FAM3B: variants seen among roughly 807,000 people sequenced by gnomAD.
FAM3B encodes protein FAM3B.
A neutral mutation model predicts 28.4 loss-of-function variants in FAM3B; 29 were observed. The observed-to-expected ratio is 1.02, with a 90% confidence interval of 0.76 to 1.39. The LOEUF is 1.39. Ranked by LOEUF, FAM3B falls within the 40% of genes most tolerant of loss-of-function variation. The pLI is 0.00. For synonymous variants in FAM3B, 91 were observed against 103.0 expected, an observed-to-expected ratio of 0.88 and a Z score of 0.71; for missense variants, 266 against 293.9, an observed-to-expected ratio of 0.91 and a Z score of 0.69.
At chr21:41,344,341 C>T in intron 3 of FAM3B, 135 bp from the exon 4 acceptor site, 1 of 749,978 alleles carries the variant, frequency 1.3e-6, no homozygotes, top group Non-Finnish European at 2.3e-6. Context: ...GGGAGCTGCA[C>T]CAAGGCGAAT....
chr21:41,315,904 G>A (rs926610737), upstream of FAM3B, among the ~76,000 whole-genome samples: 4 of 152,136 alleles, frequency 2.6e-5, no homozygotes, highest in East Asian at 1.9e-4. Flanking sequence ...AGCAGAGGCC[G>A]GAGCAGAGTA....
intron 2 of FAM3B, among the ~76,000 whole-genome samples, chr21:41,332,794 C>A (rs953513037): frequency 1.2e-4 from 18 of 152,152 alleles, no homozygotes; most frequent in Admixed American, 1.2e-3. Flanking sequence ...GATATCTGCT[C>A]TTTCATTACT....
At chr21:41,321,853 G>A (rs1050664245) in intron 1 of FAM3B, among the ~76,000 whole-genome samples, 5 of 152,296 alleles carry the variant, frequency 3.3e-5, no homozygotes, top group Middle Eastern at 3.4e-3. Context: ...TGCACCCCGG[G>A]TGGGGCCCAT....
chr21:41,313,650 T>C (rs2088727629), upstream of FAM3B, among the ~76,000 whole-genome samples: 1 of 26,476 alleles, frequency 3.8e-5, no homozygotes, highest in Non-Finnish European at 6.8e-5. Flanking sequence ...TCATACAGTA[T>C]GTATGCATGT....
intron 2 of FAM3B, among the ~76,000 whole-genome samples, chr21:41,333,979 C>T (rs952364221): frequency 3.3e-5 from 5 of 152,122 alleles, no homozygotes; most frequent in Admixed American, 6.5e-5. Context: ...TGCATTGTGC[C>T]CCTGACCTAG....
intron 3 of FAM3B, 45 bp from the exon 4 acceptor site, chr21:41,344,431 G>T (rs1601369051): frequency 6.4e-7 from 1 of 1,572,376 alleles, no homozygotes; most frequent in East Asian, 2.2e-5. Flanking sequence ...AGCGGGGAGA[G>T]TCGCACGCCT....
chr21:41,333,973 T>C (rs1352197494), intron 2 of FAM3B, among the ~76,000 whole-genome samples: 1 of 152,218 alleles, frequency 6.6e-6, no homozygotes, highest in African/African-American at 2.4e-5. Flanking sequence ...CTTGGCTGCA[T>C]TGTGCCCCTG....
At chr21:41,351,267 C>T (rs138809314) in intron 7 of FAM3B, among the ~76,000 whole-genome samples, 17 of 152,190 alleles carry the variant, frequency 1.1e-4, no homozygotes, top group African/African-American at 3.6e-4. Flanking sequence ...AAAGACTGGA[C>T]GTCAAAGCCA....
At chr21:41,346,229 T>C (rs1169669050) in intron 5 of FAM3B, 3 of 155,286 alleles carry the variant, frequency 1.9e-5, no homozygotes, top group African/African-American at 7.3e-5. Context: ...TTGACTGCAG[T>C]TGTTGGCCAG....
chr21:41,317,022 G>A, intron 1 of FAM3B, 124 bp downstream of exon 1: 1 of 879,490 alleles, frequency 1.1e-6, no homozygotes, highest in Non-Finnish European at 1.5e-6. Flanking sequence ...CTGGTTCTTG[G>A]CGCCGAGGCT....
intron 1 of FAM3B, among the ~76,000 whole-genome samples, chr21:41,319,258 T>C (rs994821926): frequency 7.9e-5 from 12 of 152,238 alleles, no homozygotes; most frequent in Admixed American, 6.6e-4. Flanking sequence ...AGAGTGGGGA[T>C]TGGCTGGGAC....
upstream of FAM3B, chr21:41,316,655 G>A (rs10432873): frequency 0.32 from 105,040 of 327,142 alleles, 16,242 homozygotes; most frequent in East Asian, 0.63. Context: ...CAGAGCTCCC[G>A]GGCACAGCCC....
intron 7 of FAM3B, among the ~76,000 whole-genome samples, chr21:41,353,717 C>A (rs975150523): frequency 6.6e-6 from 1 of 152,154 alleles, no homozygotes; most frequent in African/African-American, 2.4e-5. Flanking sequence ...TAGAGGAAAA[C>A]AGAGGCATAA....
At chr21:41,324,451 A>G (rs2088838008) in intron 2 of FAM3B, among the ~76,000 whole-genome samples, 1 of 152,214 alleles carries the variant, frequency 6.6e-6, no homozygotes, top group Non-Finnish European at 1.5e-5. Flanking sequence ...TCACAGGAAC[A>G]GGGAAGAAAC....
At chr21:41,316,778 C>A (rs897261152), upstream of FAM3B, 1 of 1,228,602 alleles carries the variant, frequency 8.1e-7, no homozygotes, top group Non-Finnish European at 1.1e-6. Flanking sequence ...CCCTGCCCGA[C>A]ACGACCGCTG....
chr21:41,340,760 G>T (rs1423575689), intron 3 of FAM3B, among the ~76,000 whole-genome samples: 2 of 152,084 alleles, frequency 1.3e-5, no homozygotes, highest in Non-Finnish European at 2.9e-5. Context: ...TCAACATTAT[G>T]TTTGAATATT....
chr21:41,349,500 A>G (rs1372427187), intron 7 of FAM3B, among the ~76,000 whole-genome samples: 2 of 152,214 alleles, frequency 1.3e-5, no homozygotes, highest in Non-Finnish European at 2.9e-5. Flanking sequence ...CCACTTAGCC[A>G]GAAATTCCCA....
At chr21:41,311,850 A>G (rs548991345), upstream of FAM3B, among the ~76,000 whole-genome samples, 6 of 152,310 alleles carry the variant, frequency 3.9e-5, no homozygotes, top group African/African-American at 1.4e-4. Flanking sequence ...AGACTGGGCA[A>G]TTTACAAAAG....
In FAM3B at chr21:41,346,024, A is replaced by T. The variant is rs1023323730; in HGVS notation, c.397+288A>T. 7.6e-4 allele frequency: 167 copies of T among 220,016 alleles called. 1 individual carries two copies. Among genetic ancestry groups the T allele is most frequent in the South Asian group, 4.1e-3 (75 of 18,376 alleles). 13.6% of individuals were successfully genotyped at this position (220,016 alleles called of 1,614,324 possible). On this transcript the variant is annotated intron_variant, in intron 5 of 7. Transcript: ENST00000357985. ...AGAAAGAGAAAAAGCCTTTTTTTTA[A>T]AAAAAAAAAAAAGCCAAATACATTA...
Sources: allele counts gnomAD v4.1 joint callset (sites outside exome capture counted in the v4.1 genomes callset), GRCh38; gene constraint gnomAD v4.1.1; transcripts MANE v1.5; gene names NCBI Gene and HGNC (gene_info 2026-07-23, HGNC 2026-07-21).